Variants in NMNAT2 observed in about 807,000 individuals in gnomAD.
NMNAT2 encodes the protein nicotinamide/nicotinic acid mononucleotide adenylyltransferase 2.
In NMNAT2, 11 loss-of-function variants were observed where a neutral mutation model predicts 41.6. That is an observed-to-expected ratio of 0.26 (90% CI 0.17 to 0.44). The LOEUF is 0.44. Among genes scored for constraint, NMNAT2 ranks in the 20% least tolerant of loss-of-function variants. NMNAT2 has a pLI of 1.00. For missense variants in NMNAT2, 288 were observed against 407.7 expected, an observed-to-expected ratio of 0.71 and a Z score of 2.53; for synonymous variants, 148 against 151.2, an observed-to-expected ratio of 0.98 and a Z score of 0.16.
At chr1:183,320,915 C>T (rs1411392) in intron 1 of NMNAT2, among the ~76,000 whole-genome samples, 109,678 of 152,064 alleles carry the variant, frequency 0.72, 39,699 homozygotes, top group East Asian at 0.89. Context: ...AGAAGTCATC[C>T]CTTTTTATTT....
At position 183,376,926 on chromosome 1, in the gene NMNAT2, G is replaced by C. The variant is rs146011586; in HGVS notation, c.85+41257C>G. Among the ~76,000 whole-genome samples the C allele has an allele frequency of 1.6e-3, 250 of 152,206 alleles. 1 individual carries two copies. The highest frequency in any genetic ancestry group is 3.0e-3 in the Non-Finnish European group (203 of 68,004). ...AACTATCAAAAATAAGGTTCTCCTTGTGGATTTTTTCTTCAGGAACCCCAC... is the reference window on the plus strand; with the variant it reads ...AACTATCAAAAATAAGGTTCTCCTTCTGGATTTTTTCTTCAGGAACCCCAC... On this transcript the variant is annotated intron_variant, in intron 1 of 10. Transcript: ENST00000287713.
intron 1 of NMNAT2, among the ~76,000 whole-genome samples, chr1:183,337,569 CAAAA>C (rs71127343): frequency 9.9e-6 from 1 of 100,644 alleles, no homozygotes; most frequent in Non-Finnish European, 1.9e-5. Flanking sequence ...CTCTCCACAG[CAAAA>C]AAAAAAAAAA....
chr1:183,310,015 G>A (rs540709093), intron 1 of NMNAT2, among the ~76,000 whole-genome samples: 2 of 152,290 alleles, frequency 1.3e-5, no homozygotes, highest in East Asian at 1.9e-4. Context: ...GACACCTGAA[G>A]AATCATGGAA....
Position 183,284,042 on chromosome 1 carries a change from A to G in NMNAT2, c.530-3T>C. On this transcript the variant is annotated splice_polypyrimidine_tract_variant and splice_region_variant and intron_variant, in intron 6 of 10. Transcript: ENST00000287713. ...CGTGCCCAGATTGGCATTCTCATCT[A>G]AGGAGGAAAGAAGGAAGGTAGGGCA... 2.5e-6 allele frequency: 4 copies of G among 1,612,224 alleles called. No homozygotes were observed. Among genetic ancestry groups the G allele is most frequent in the South Asian group, 1.1e-5 (1 of 90,998 alleles).
At chr1:183,369,050 A>T (rs907915145) in intron 1 of NMNAT2, among the ~76,000 whole-genome samples, 3 of 152,076 alleles carry the variant, frequency 2.0e-5, no homozygotes, top group Admixed American at 1.3e-4. Context: ...TCTCACGGCA[A>T]CTCTGAGCCA....
intron 1 of NMNAT2, among the ~76,000 whole-genome samples, chr1:183,385,289 A>C (rs893652309): frequency 4.6e-5 from 7 of 152,306 alleles, no homozygotes; most frequent in Admixed American, 4.6e-4. Flanking sequence ...CTGCCTGTTT[A>C]GAAAATGTGA....
intron 8 of NMNAT2, among the ~76,000 whole-genome samples, chr1:183,269,159 G>A (rs1207717793): frequency 6.6e-6 from 1 of 152,148 alleles, no homozygotes; most frequent in African/African-American, 2.4e-5. Context: ...TGAAACCTAC[G>A]TGATACGAAG....
At position 183,261,077 on chromosome 1, in the gene NMNAT2, C is replaced by T. The variant is rs779762374; in HGVS notation, c.754-8G>A. The T allele has an allele frequency of 1.9e-6, 3 of 1,613,436 alleles. No individual in the cohort carries two copies. Among genetic ancestry groups the T allele is most frequent in the Non-Finnish European group, 2.5e-6 (3 of 1,179,346 alleles). Reference sequence around the variant, plus strand: ...CACCACCATGATGTTGTTCTGAGGACAGAGCAGACAGAGTCAGTTGCCAGT... The same window carrying T: ...CACCACCATGATGTTGTTCTGAGGATAGAGCAGACAGAGTCAGTTGCCAGT... On this transcript the variant is annotated splice_polypyrimidine_tract_variant and splice_region_variant and intron_variant, in intron 9 of 10. Transcript: ENST00000287713.
chr1:183,411,481 T>G (rs1296968473), intron 1 of NMNAT2, among the ~76,000 whole-genome samples: 2 of 152,098 alleles, frequency 1.3e-5, no homozygotes, highest in Non-Finnish European at 2.9e-5. Flanking sequence ...TTTTTTGGAA[T>G]TTTTAGTAGA....
chr1:183,280,094 G>A (rs1385150334), intron 7 of NMNAT2, among the ~76,000 whole-genome samples: 1 of 152,154 alleles, frequency 6.6e-6, no homozygotes, highest in African/African-American at 2.4e-5. Flanking sequence ...AGTCAGTGGC[G>A]CCTCTGCGTT....
chr1:183,322,019 C>T (rs1232594754), intron 1 of NMNAT2, among the ~76,000 whole-genome samples: 1 of 151,540 alleles, frequency 6.6e-6, no homozygotes, highest in East Asian at 1.9e-4. Context: ...GAGACAGGGT[C>T]TCACTTTGCT....
At chr1:183,336,270 G>A (rs1403106921) in intron 1 of NMNAT2, among the ~76,000 whole-genome samples, 1 of 152,064 alleles carries the variant, frequency 6.6e-6, no homozygotes, top group Non-Finnish European at 1.5e-5. Flanking sequence ...AAACTTGAAC[G>A]GACATTTCAC....
intron 10 of NMNAT2, among the ~76,000 whole-genome samples, chr1:183,255,126 T>C (rs1043741688): frequency 2.0e-5 from 3 of 152,244 alleles, no homozygotes; most frequent in African/African-American, 7.2e-5. Flanking sequence ...TTTCATTCTT[T>C]TGCCTGTAGA....
In NMNAT2 at chr1:183,252,616, T is replaced by C; in HGVS notation, c.*25A>G. 6.7e-7 allele frequency: 1 copy of C among 1,503,756 alleles called. No individual in the cohort carries two copies. The highest frequency in any genetic ancestry group is 9.3e-7 in the Non-Finnish European group (1 of 1,079,252). The allele number at this position is 1,503,756 out of a possible 1,614,324, so 93.2% of individuals were successfully genotyped here. On this transcript the variant is annotated 3_prime_UTR_variant, in exon 11 of 11. Coordinates refer to ENST00000287713, the MANE Select transcript of NMNAT2 (RefSeq NM_015039.4). ...GGGCTGACAAAGATGGAGGGGCCATTGTGTTGCCGGAGGACGAGGGGCTGC... is the reference window on the plus strand; with the variant it reads ...GGGCTGACAAAGATGGAGGGGCCATCGTGTTGCCGGAGGACGAGGGGCTGC...
At chr1:183,324,140 G>C (rs752047593) in intron 1 of NMNAT2, among the ~76,000 whole-genome samples, 1 of 152,174 alleles carries the variant, frequency 6.6e-6, no homozygotes, top group Non-Finnish European at 1.5e-5. Flanking sequence ...AGTTCCACTA[G>C]AGAACAGATA....
chr1:183,411,079 T>G (rs1649103724), intron 1 of NMNAT2, among the ~76,000 whole-genome samples: 2 of 152,132 alleles, frequency 1.3e-5, no homozygotes, highest in South Asian at 4.1e-4. Flanking sequence ...AAACTCTCAC[T>G]AACACCTGCT....
At chr1:183,277,464 G>C (rs533380347) in intron 8 of NMNAT2, among the ~76,000 whole-genome samples, 257 of 135,272 alleles carry the variant, frequency 1.9e-3, no homozygotes, top group Middle Eastern at 0.014. Flanking sequence ...GCAGTGAGCC[G>C]AGATCACACC....
At chr1:183,379,481 A>G (rs1663756022) in intron 1 of NMNAT2, among the ~76,000 whole-genome samples, 1 of 152,170 alleles carries the variant, frequency 6.6e-6, no homozygotes, top group Admixed American at 6.6e-5. Context: ...ATGCCCAGCC[A>G]TGAACCCCAC....
intron 1 of NMNAT2, among the ~76,000 whole-genome samples, chr1:183,295,879 G>A (rs1041160062): frequency 4.6e-5 from 7 of 151,980 alleles, no homozygotes; most frequent in Non-Finnish European, 5.9e-5. Context: ...AGGAAGTCTC[G>A]CTCTTGTCCC....
Sources: allele counts gnomAD v4.1 joint callset (sites outside exome capture counted in the v4.1 genomes callset), GRCh38; gene constraint gnomAD v4.1.1; transcripts MANE v1.5; gene names NCBI Gene and HGNC (gene_info 2026-07-23, HGNC 2026-07-21).